TMEM38B: variants seen among roughly 807,000 people sequenced by gnomAD.
TMEM38B encodes the protein trimeric intracellular cation channel type B.
TMEM38B carries 24 observed loss-of-function variants against 28.7 expected under a neutral mutation model. The observed-to-expected ratio is 0.84, with a 90% CI of 0.61 to 1.18. The LOEUF is 1.18. Among genes scored for constraint, TMEM38B ranks in the 50% most tolerant of loss-of-function variants. The pLI is 0.00. For synonymous variants in TMEM38B, 131 were observed against 127.7 expected, an observed-to-expected ratio of 1.03 and a Z score of -0.17; for missense variants, 380 against 350.9, an observed-to-expected ratio of 1.08 and a Z score of -0.66.
At chr9:105,733,619 A>T (rs1276649216) in intron 4 of TMEM38B, among the ~76,000 whole-genome samples, 1 of 151,612 alleles carries the variant, frequency 6.6e-6, no homozygotes, top group Admixed American at 6.6e-5. Flanking sequence ...CCCTTGGGAG[A>T]CTTTAAGTTT....
rs73516093 is a variant in TMEM38B, at chr9:105,694,894, A to T, written c.112+122A>T. 4.6e-3 allele frequency: 3,610 copies of T among 792,054 alleles called. 46 individuals carry two copies. The highest frequency in any genetic ancestry group is 0.036 in the African/African-American group (2,080 of 57,512). The allele number at this position is 792,054 out of a possible 1,614,324, so 49.1% of individuals were successfully genotyped here. On this transcript the variant is annotated intron_variant, in intron 1 of 5. Transcript: ENST00000374692. ...AGTGGCCGCTAGCCCAGACAGTTCG[A>T]TGGTAGAGTTGGAGGGGCGCCAAGG...
intron 2 of TMEM38B, among the ~76,000 whole-genome samples, chr9:105,720,805 A>G (rs922364452): frequency 1.3e-5 from 2 of 152,164 alleles, no homozygotes; most frequent in Non-Finnish European, 2.9e-5. Flanking sequence ...AGAAAAAAGC[A>G]GTATGTTTTC....
chr9:105,759,035 A>G, intron 5 of TMEM38B: 4 of 888,554 alleles, frequency 4.5e-6, no homozygotes, highest in South Asian at 3.9e-5. Flanking sequence ...TTACACTACA[A>G]AACAAATCAG....
chr9:105,747,287 T>C (rs1406531511), intron 4 of TMEM38B, among the ~76,000 whole-genome samples: 2 of 152,260 alleles, frequency 1.3e-5, no homozygotes, highest in African/African-American at 2.4e-5. Context: ...ATTCAATTTC[T>C]TCCTGGTTTA....
chr9:105,753,330 TC>T (rs1271876546), intron 5 of TMEM38B, among the ~76,000 whole-genome samples: 1 of 151,992 alleles, frequency 6.6e-6, no homozygotes, highest in Non-Finnish European at 1.5e-5. Flanking sequence ...AGTTAGATAC[TC>T]CATGAGAAGT....
intron 4 of TMEM38B, among the ~76,000 whole-genome samples, chr9:105,724,031 T>C (rs1401679861): frequency 6.6e-6 from 1 of 151,946 alleles, no homozygotes; most frequent in Non-Finnish European, 1.5e-5. Context: ...AGATGTGGTT[T>C]CACCATGTTG....
chr9:105,765,312 TA>T (rs1826333432), intron 5 of TMEM38B, among the ~76,000 whole-genome samples: 1 of 152,252 alleles, frequency 6.6e-6, no homozygotes, highest in Admixed American at 6.5e-5. Context: ...TAAAAATTTT[TA>T]AAAGTCAACT....
chr9:105,732,079 A>C (rs1029136789), intron 4 of TMEM38B, among the ~76,000 whole-genome samples: 8 of 151,970 alleles, frequency 5.3e-5, no homozygotes, highest in Non-Finnish European at 8.8e-5. Context: ...ATTTTTTCAT[A>C]TGTCTGTTGG....
chr9:105,747,072 A>T (rs1271048125), intron 4 of TMEM38B, among the ~76,000 whole-genome samples: 1 of 152,212 alleles, frequency 6.6e-6, no homozygotes, highest in East Asian at 1.9e-4. Context: ...CTTTGGTATC[A>T]GGATGATGCT....
chr9:105,699,432 C>A (rs1835391145), intron 1 of TMEM38B, among the ~76,000 whole-genome samples: 1 of 152,130 alleles, frequency 6.6e-6, no homozygotes, highest in Non-Finnish European at 1.5e-5. Flanking sequence ...CTCCTTGAGA[C>A]TTTATTTTGG....
chr9:105,700,030 A>G (rs527467809), intron 1 of TMEM38B, among the ~76,000 whole-genome samples: 43 of 152,282 alleles, frequency 2.8e-4, no homozygotes, highest in South Asian at 1.7e-3. Context: ...TCAATCCTAC[A>G]TTCACATCAA....
intron 1 of TMEM38B, among the ~76,000 whole-genome samples, chr9:105,704,338 T>A (rs10978209): frequency 0.21 from 31,961 of 151,838 alleles, 5,226 homozygotes; most frequent in East Asian, 0.47. Context: ...CTGAGGTTGC[T>A]GTGAGCCGAG....
intron 2 of TMEM38B, among the ~76,000 whole-genome samples, chr9:105,711,573 C>T (rs189274374): frequency 2.2e-4 from 33 of 152,066 alleles, no homozygotes; most frequent in African/African-American, 7.7e-4. Context: ...GCGCCTGGGA[C>T]AGTTGCTCAT....
At chr9:105,710,213 T>C in intron 2 of TMEM38B, 1 of 494,724 alleles carries the variant, frequency 2.0e-6, no homozygotes, top group Non-Finnish European at 3.8e-6. Context: ...TGCCCTTCTT[T>C]GGTTCTTTTT....
intron 4 of TMEM38B, among the ~76,000 whole-genome samples, chr9:105,733,850 A>G (rs1303969086): frequency 2.6e-5 from 4 of 152,100 alleles, no homozygotes; most frequent in Non-Finnish European, 4.4e-5. Context: ...TAAGTCTTCT[A>G]TCTTTTTTGC....
rs1826682443 is a variant in TMEM38B at position 105,775,035 on chromosome 9, C to CT, written c.*961dup. 1 of 151,938 alleles carries CT rather than the reference C, an allele frequency of 6.6e-6. No homozygotes were observed. Among genetic ancestry groups the CT allele is most frequent in the Non-Finnish European group, 1.5e-5 (1 of 67,924 alleles). 9.4% of individuals were successfully genotyped at this position (151,938 alleles called of 1,614,324 possible). On this transcript the variant is annotated 3_prime_UTR_variant, in exon 6 of 6. Coordinates refer to ENST00000374692, the MANE Select transcript of TMEM38B (RefSeq NM_018112.3). ...CCGTTCAAAAATTTTTCCACTATGT[C>CT]TTTTTTCTAGTGGCTACTGTTTTAG... is the stretch of plus-strand genomic sequence containing the variant.
chr9:105,710,970 T>C (rs961455928), intron 2 of TMEM38B, among the ~76,000 whole-genome samples: 1 of 152,126 alleles, frequency 6.6e-6, no homozygotes, highest in African/African-American at 2.4e-5. Context: ...GGTGGTTCTT[T>C]CCCGCAAGAT....
chr9:105,724,140 C>G (rs1836425235), intron 4 of TMEM38B, among the ~76,000 whole-genome samples: 1 of 152,140 alleles, frequency 6.6e-6, no homozygotes, highest in Non-Finnish European at 1.5e-5. Context: ...CTGGCCCAGA[C>G]TCAGTCTTAA....
In TMEM38B at chr9:105,763,815, T is replaced by C. The variant is rs1209002988; in HGVS notation, c.661-10050T>C. Among the ~76,000 whole-genome samples the C allele has an allele frequency of 2.0e-5, 3 of 151,586 alleles. 1 individual carries two copies. Among genetic ancestry groups the C allele is most frequent in the African/African-American group, 4.9e-5 (2 of 41,110 alleles). ...TTAGACCAATATCCTTGATGAACAT[T>C]GATGCAAAAATCCTCAGTAAAATAC... On this transcript the variant is annotated intron_variant, in intron 5 of 5. Transcript: ENST00000374692.
Sources: gnomAD v4.1 joint callset for allele counts (sites outside exome capture counted in the v4.1 genomes callset) on GRCh38, gnomAD v4.1.1 for gene constraint, MANE v1.5 for transcripts, NCBI Gene and HGNC (gene_info 2026-07-23, HGNC 2026-07-21) for gene names.